The following FKBP3 variants were observed in gnomAD, a reference collection of about 807,000 sequenced individuals.
The protein encoded by FKBP3 is peptidyl-prolyl cis-trans isomerase FKBP3.
A neutral mutation model predicts 30.6 loss-of-function variants in FKBP3; 21 were observed. The ratio of observed to expected loss-of-function variants is 0.69; its 90% CI spans 0.49 to 0.99. The LOEUF (loss-of-function observed/expected upper bound fraction) is 0.99, where lower values mean the gene tolerates loss of function less well. FKBP3 is among the 50% of genes least tolerant of loss of function. The pLI, the probability that FKBP3 is intolerant of heterozygous loss-of-function variation, is 0.00. For synonymous variants in FKBP3, 82 were observed against 91.3 expected (o/e 0.90, Z 0.58); for missense variants, 283 against 261.6 (o/e 1.08, Z -0.56).
At chr14:45,118,302 C>T (rs981284254) in intron 5 of FKBP3, among the ~76,000 whole-genome samples, 177 bp from the exon 6 acceptor site, 1 of 151,598 alleles carries the variant, frequency 6.6e-6, no homozygotes, top group Non-Finnish European at 1.5e-5. Flanking sequence ...TCCATTTCTT[C>T]AATAGAAAAA....
chr14:45,117,790 A>G (rs1884885222), intron 6 of FKBP3, among the ~76,000 whole-genome samples: 1 of 152,220 alleles, frequency 6.6e-6, no homozygotes, highest in South Asian at 2.1e-4. Context: ...AAGGTCTTGA[A>G]AGTTAAGAAT....
intron 5 of FKBP3, 118 bp downstream of exon 5, chr14:45,120,769 G>T: frequency 7.7e-6 from 6 of 784,180 alleles, no homozygotes; most frequent in Non-Finnish European, 1.1e-5. Flanking sequence ...TACCCAATCT[G>T]TCAGACTCCA....
rs1183491824 is a variant in FKBP3, at chr14:45,115,918, A to G, written c.*280T>C. 5 of 358,942 alleles carry G rather than the reference A, an allele frequency of 1.4e-5. No individual in the cohort carries two copies. The highest frequency in any genetic ancestry group is 2.1e-5 in the Non-Finnish European group (4 of 189,972). The allele number at this position is 358,942 out of a possible 1,614,324, so 22.2% of individuals were successfully genotyped here. ...ACAGTCAGATCAAGACAGTGGATCA[A>G]TTTTTATTGAGCCACTTAAGTTTAC... On this transcript the variant is annotated 3_prime_UTR_variant, in exon 7 of 7. Coordinates refer to ENST00000396062, the MANE Select transcript of FKBP3 (RefSeq NM_002013.4).
At chr14:45,133,795 T>C (rs745616480) in intron 1 of FKBP3, among the ~76,000 whole-genome samples, 4 of 152,214 alleles carry the variant, frequency 2.6e-5, no homozygotes, top group South Asian at 4.1e-4. Flanking sequence ...TGTAGCTCCC[T>C]TAAAGTATAA....
intron 3 of FKBP3, among the ~76,000 whole-genome samples, chr14:45,124,374 A>T (rs1885051900): frequency 6.6e-6 from 1 of 152,108 alleles, no homozygotes; most frequent in Non-Finnish European, 1.5e-5. Flanking sequence ...TCTACTAAAA[A>T]TACAAAAATT....
chr14:45,132,624 T>C (rs1036590570), intron 1 of FKBP3, among the ~76,000 whole-genome samples: 7 of 151,992 alleles, frequency 4.6e-5, no homozygotes, highest in African/African-American at 1.7e-4. Context: ...TGGTCCTCAA[T>C]GCCTGGCCTC....
intron 1 of FKBP3, among the ~76,000 whole-genome samples, chr14:45,133,828 G>C (rs1885284820): frequency 6.6e-6 from 1 of 152,206 alleles, no homozygotes; most frequent in Non-Finnish European, 1.5e-5. Flanking sequence ...CATTTAAAGG[G>C]TCGATATGTT....
chr14:45,122,541 G>A (rs149743773), intron 3 of FKBP3, among the ~76,000 whole-genome samples: 2,879 of 151,800 alleles, frequency 0.019, 32 homozygotes, highest in African/African-American at 0.038. Context: ...TCACTCTGTC[G>A]CCAGGCTGGA....
chr14:45,118,671 CTG>C (rs1004338262), intron 5 of FKBP3, among the ~76,000 whole-genome samples: 1 of 151,980 alleles, frequency 6.6e-6, no homozygotes, highest in Non-Finnish European at 1.5e-5. Flanking sequence ...TTTTTGTAAA[CTG>C]TAACATGCCA....
At position 45,127,115 on chromosome 14, in the gene FKBP3, C is replaced by CTTTTTTTTTTTTTTTTTTTTTT. The variant is rs1231283034; in HGVS notation, c.318+2678_318+2679insAAAAAAAAAAAAAAAAAAAAAA. ...AGCCACTGTACCTGACTGACCCTGT[C>CTTTTTTTTTTTTTTTTTTTTTT]TTTTTTTTTTTTTTTGAGACAGAGT... On this transcript the variant is annotated intron_variant, in intron 3 of 6. Coordinates refer to ENST00000396062, the MANE Select transcript of FKBP3 (RefSeq NM_002013.4). 2.0e-3 allele frequency among the ~76,000 whole-genome samples: 240 copies of CTTTTTTTTTTTTTTTTTTTTTT among 120,620 alleles called. 24 individuals carry two copies. The highest frequency in any genetic ancestry group is 8.1e-3 in the African/African-American group (218 of 26,938). The allele number at this position is 120,620 out of a possible 152,430, so 79.1% of individuals were successfully genotyped here. A position where few individuals can be genotyped will look rare whatever the true frequency, so the allele number is the denominator to read the frequency against.
intron 3 of FKBP3, among the ~76,000 whole-genome samples, chr14:45,124,543 T>TTA (rs111848799): frequency 0.061 from 8,413 of 138,222 alleles, 269 homozygotes; most frequent in East Asian, 0.13. Context: ...AAAAAAAAAA[T>TTA]TATATATATA....
intron 5 of FKBP3, among the ~76,000 whole-genome samples, chr14:45,119,582 T>G (rs117955672): frequency 6.6e-6 from 1 of 151,572 alleles, no homozygotes; most frequent in East Asian, 2.0e-4. Context: ...AAAAAAAGAA[T>G]ACGGTAGACT....
intron 5 of FKBP3, 24 bp from the exon 6 acceptor site, chr14:45,118,149 A>G: frequency 2.0e-6 from 3 of 1,506,822 alleles, no homozygotes; most frequent in Non-Finnish European, 1.8e-6. Flanking sequence ...CAAAATAAAA[A>G]CTAATGGTAT....
chr14:45,130,953 A>G, intron 1 of FKBP3, 153 bp from the exon 2 acceptor site: 1 of 487,716 alleles, frequency 2.1e-6, no homozygotes, highest in South Asian at 3.6e-5. Context: ...CTTTGTTACA[A>G]AAAAAGTAAG....
chr14:45,119,091 A>G (rs1486910756), intron 5 of FKBP3, among the ~76,000 whole-genome samples: 1 of 152,212 alleles, frequency 6.6e-6, no homozygotes, highest in Non-Finnish European at 1.5e-5. Flanking sequence ...CAAAGAAACA[A>G]TAAAAGTCTT....
At chr14:45,134,315 C>T (rs1416946647) in intron 1 of FKBP3, 34 bp downstream of exon 1, 3 of 1,533,014 alleles carry the variant, frequency 2.0e-6, no homozygotes, top group Non-Finnish European at 1.8e-6. Context: ...GTCCCTCAGC[C>T]GCACCAGCCC....
At chr14:45,119,994 C>G (rs925997841) in intron 5 of FKBP3, among the ~76,000 whole-genome samples, 3 of 152,078 alleles carry the variant, frequency 2.0e-5, no homozygotes, top group African/African-American at 7.2e-5. Flanking sequence ...CTGGCTGGGG[C>G]AGGTAACAAT....
intron 3 of FKBP3, among the ~76,000 whole-genome samples, chr14:45,125,727 T>C (rs568672100): frequency 2.9e-4 from 44 of 152,134 alleles, no homozygotes; most frequent in African/African-American, 8.4e-4. Flanking sequence ...CAGCAAAGTC[T>C]CACATGGTAA....
At position 45,134,451 on chromosome 14, in the gene FKBP3, C is replaced by A; in HGVS notation, c.6G>T (p.Ala2=). 2 of 1,610,028 alleles carry A rather than the reference C, an allele frequency of 1.2e-6. No homozygotes were observed. The highest frequency in any genetic ancestry group is 1.7e-6 in the Non-Finnish European group (2 of 1,177,896). The stretch of plus-strand genomic sequence containing the variant: ...TCCACGCCCGCTGTGGAACGGCCGC[C>A]GCCATCTTCCCCCGCTGCCTCCGCT... M[A]AAVPQRAWTV... The change falls in exon 1 of 7, where the codon GCG becomes GCT. Residue 2 remains alanine, a synonymous_variant. Coordinates refer to ENST00000396062, the MANE Select transcript of FKBP3 (RefSeq NM_002013.4).
Sources: gnomAD v4.1 joint callset for allele counts (sites outside exome capture counted in the v4.1 genomes callset) on GRCh38, gnomAD v4.1.1 for gene constraint, MANE v1.5 for transcripts, NCBI Gene and HGNC (gene_info 2026-07-23, HGNC 2026-07-21) for gene names.